SERGEF: variants seen among roughly 807,000 people sequenced by gnomAD.
SERGEF encodes secretion regulating guanine nucleotide exchange factor.
A neutral mutation model predicts 50.0 loss-of-function variants in SERGEF; 51 were observed. That is an observed-to-expected ratio of 1.02 (90% CI 0.81 to 1.29). The LOEUF (loss-of-function observed/expected upper bound fraction) is 1.29, where lower values mean the gene tolerates loss of function less well. Ranked by LOEUF, SERGEF falls within the 50% of genes most tolerant of loss-of-function variation. The pLI is 0.00. For missense variants in SERGEF, 521 were observed against 557.0 expected (o/e 0.94, Z 0.65); for synonymous variants, 205 against 212.4 (o/e 0.97, Z 0.30).
chr11:17,794,269 T>A (rs1306017035), intron 10 of SERGEF, among the ~76,000 whole-genome samples: 1 of 152,216 alleles, frequency 6.6e-6, no homozygotes, highest in East Asian at 1.9e-4. Flanking sequence ...TGCTCCTTCT[T>A]CTTTGTCCCT....
chr11:17,850,572 C>T (rs980372724), intron 10 of SERGEF, among the ~76,000 whole-genome samples: 1 of 152,208 alleles, frequency 6.6e-6, no homozygotes, highest in Non-Finnish European at 1.5e-5. Context: ...ATTACGCTCA[C>T]TAGACAGCTC....
intron 8 of SERGEF, among the ~76,000 whole-genome samples, chr11:17,971,152 C>T (rs1047261873): frequency 3.3e-5 from 5 of 152,038 alleles, no homozygotes; most frequent in African/African-American, 1.2e-4. Context: ...CAAGATCACA[C>T]CACTGCACTC....
intron 9 of SERGEF, among the ~76,000 whole-genome samples, chr11:17,937,216 G>T (rs137880482): frequency 6.6e-6 from 1 of 151,952 alleles, no homozygotes; most frequent in African/African-American, 2.4e-5. Flanking sequence ...TAAAAAATAC[G>T]TGTAGAAAAA....
chr11:18,010,040 T>C, intron 1 of SERGEF: 2 of 951,228 alleles, frequency 2.1e-6, no homozygotes, highest in Non-Finnish European at 2.9e-6. Context: ...CTTACTAAGA[T>C]TTCAGAAATC....
Position 17,959,159 on chromosome 11 carries a change from G to A in SERGEF, c.1011+311C>T, listed in dbSNP as rs116084042. Among the ~76,000 whole-genome samples, 1,481 of 152,250 alleles carry A rather than the reference G, an allele frequency of 9.7e-3. 24 individuals carry two copies. Among genetic ancestry groups the A allele is most frequent in the African/African-American group, 0.034 (1,402 of 41,556 alleles). Reference sequence around the variant, plus strand: ...GCTGGGATTACAGGCGTGAGCCACCGTGCCTGGCCAGCCTTGTCATTTTCT... The same window carrying A: ...GCTGGGATTACAGGCGTGAGCCACCATGCCTGGCCAGCCTTGTCATTTTCT... On this transcript the variant is annotated intron_variant, in intron 9 of 10. Coordinates refer to ENST00000265965, the MANE Select transcript of SERGEF (RefSeq NM_012139.4).
intron 10 of SERGEF, among the ~76,000 whole-genome samples, chr11:17,873,842 G>A (rs958139538): frequency 1.2e-4 from 19 of 152,168 alleles, no homozygotes; most frequent in Non-Finnish European, 2.2e-4. Flanking sequence ...TTTTTTCTCC[G>A]CAGGAAGGGA....
chr11:17,935,200 T>C (rs1198221015), intron 9 of SERGEF, among the ~76,000 whole-genome samples: 1 of 152,220 alleles, frequency 6.6e-6, no homozygotes, highest in East Asian at 1.9e-4. Flanking sequence ...GTATTACTAC[T>C]AAGCATTTAA....
At chr11:17,823,920 C>T (rs989153162) in intron 10 of SERGEF, among the ~76,000 whole-genome samples, 26 of 152,176 alleles carry the variant, frequency 1.7e-4, no homozygotes, top group African/African-American at 6.3e-4. Flanking sequence ...ACTTCCCAGC[C>T]CTCATGACAG....
intron 9 of SERGEF, among the ~76,000 whole-genome samples, chr11:17,886,103 C>T (rs1273412644): frequency 1.3e-5 from 2 of 152,052 alleles, no homozygotes; most frequent in Non-Finnish European, 2.9e-5. Context: ...TTGGGTAAAT[C>T]TCTTTGCCTC....
intron 10 of SERGEF, among the ~76,000 whole-genome samples, chr11:17,796,981 G>A (rs940916591): frequency 6.6e-6 from 1 of 152,200 alleles, no homozygotes; most frequent in East Asian, 1.9e-4. Flanking sequence ...TTGGAGGCAA[G>A]GAGGCCAGCA....
At chr11:18,002,110 C>T (rs1193318164) in intron 4 of SERGEF, 15 of 440,598 alleles carry the variant, frequency 3.4e-5, no homozygotes, top group East Asian at 7.0e-5. Context: ...CAAATCTTAG[C>T]GTTAATACAA....
intron 9 of SERGEF, among the ~76,000 whole-genome samples, chr11:17,908,822 A>G (rs1192782759): frequency 2.6e-5 from 4 of 152,244 alleles, no homozygotes; most frequent in Non-Finnish European, 5.9e-5. Flanking sequence ...CAAATCTGAC[A>G]GTAGAAAAAA....
intron 9 of SERGEF, among the ~76,000 whole-genome samples, chr11:17,925,927 T>C (rs934632002): frequency 3.3e-5 from 5 of 152,280 alleles, no homozygotes; most frequent in South Asian, 2.1e-4. Context: ...TACTATCAAA[T>C]GAGTATAATG....
intron 10 of SERGEF, among the ~76,000 whole-genome samples, chr11:17,840,875 A>G (rs1423876862): frequency 1.3e-5 from 2 of 152,248 alleles, no homozygotes; most frequent in Non-Finnish European, 2.9e-5. Context: ...TGTGTCTACC[A>G]TATAGTAGAT....
In SERGEF at chr11:18,003,053, AG is replaced by A. The variant is rs1853997912; in HGVS notation, c.447+1387del. Reference sequence around the variant, plus strand: ...AATTGGGAGCTATAATACTTCCTTCAGGGACTACAGAGCCTAGACTTTGTGC... The same window carrying A: ...AATTGGGAGCTATAATACTTCCTTCAGGACTACAGAGCCTAGACTTTGTGC... On this transcript the variant is annotated intron_variant, in intron 4 of 10. Transcript: ENST00000265965. 2.0e-5 allele frequency among the ~76,000 whole-genome samples: 3 copies of A among 152,326 alleles called. No homozygotes were observed. In the South Asian group the frequency reaches 6.2e-4, roughly 32 times the overall value.
chr11:17,813,366 G>C (rs1202698306), intron 10 of SERGEF, among the ~76,000 whole-genome samples: 1 of 152,218 alleles, frequency 6.6e-6, no homozygotes, highest in Non-Finnish European at 1.5e-5. Context: ...CATGTGGGGA[G>C]ACAGTGGCAA....
intron 2 of SERGEF, 112 bp downstream of exon 2, chr11:18,007,829 A>C (rs1383879555): frequency 8.8e-7 from 1 of 1,142,162 alleles, no homozygotes; most frequent in East Asian, 2.5e-5. Context: ...TTTCACAAAA[A>C]TACATTATTT....
chr11:17,967,021 T>A (rs1441194839), intron 8 of SERGEF, among the ~76,000 whole-genome samples: 1 of 152,254 alleles, frequency 6.6e-6, no homozygotes, highest in Non-Finnish European at 1.5e-5. Flanking sequence ...GTGGCACAGC[T>A]GCAATAATAA....
chr11:17,824,258 A>G (rs915658713), intron 10 of SERGEF, among the ~76,000 whole-genome samples: 1 of 151,206 alleles, frequency 6.6e-6, no homozygotes, highest in Non-Finnish European at 1.5e-5. Flanking sequence ...CCAAGATCGC[A>G]CCACTGCACT....
Sources: allele counts gnomAD v4.1 joint callset (sites outside exome capture counted in the v4.1 genomes callset), GRCh38; gene constraint gnomAD v4.1.1; transcripts MANE v1.5; gene names NCBI Gene and HGNC (gene_info 2026-07-23, HGNC 2026-07-21).